Variants in MRPL37 observed in about 807,000 individuals in gnomAD.
The protein encoded by MRPL37 is large ribosomal subunit protein mL37.
Under a neutral mutation model 44.1 loss-of-function variants are expected in MRPL37, and 34 were observed. That is an observed-to-expected ratio of 0.77 (90% CI 0.59 to 1.03). MRPL37 has a LOEUF of 1.03. Among genes scored for constraint, MRPL37 ranks in the 50% least tolerant of loss-of-function variants. The pLI, the probability that MRPL37 is intolerant of heterozygous loss-of-function variation, is 0.00. For missense variants in MRPL37, 532 were observed against 543.7 expected, an observed-to-expected ratio of 0.98 and a Z score of 0.21; for synonymous variants, 212 against 219.5, an observed-to-expected ratio of 0.97 and a Z score of 0.30.
rs187124272 is a variant in MRPL37 at position 54,211,070 on chromosome 1, C to T, written c.832+939C>T. On this transcript the variant is annotated intron_variant, in intron 4 of 6. Transcript: ENST00000360840. The stretch of plus-strand genomic sequence containing the variant: ...TCTCACCTCCATGCCTTGTCACTTC[C>T]TCTCCTTCTGCTGAAGCTCTTGGCC... Among the ~76,000 whole-genome samples the T allele has an allele frequency of 1.1e-3, 173 of 152,254 alleles. 4 individuals are homozygous for T. The highest frequency in any genetic ancestry group is 4.1e-4 in the Non-Finnish European group (28 of 68,024).
chr1:54,225,404 C>T, downstream of MRPL37: 2 of 1,234,020 alleles, frequency 1.6e-6, no homozygotes, highest in Non-Finnish European at 2.0e-6. Context: ...AACTCCAACC[C>T]ACATTCCCCA....
intron 5 of MRPL37, among the ~76,000 whole-genome samples, chr1:54,213,288 C>T (rs1368220789): frequency 6.6e-6 from 1 of 152,170 alleles, no homozygotes; most frequent in African/African-American, 2.4e-5. Flanking sequence ...GAGGGGAGGG[C>T]TATATGGGAG....
chr1:54,218,449 A>T, downstream of MRPL37: 1 of 1,350,830 alleles, frequency 7.4e-7, no homozygotes, highest in Non-Finnish European at 9.8e-7. Context: ...CTGGAGCCTG[A>T]CCTGCCCCAG....
At chr1:54,203,042 G>A (rs1193938635) in intron 1 of MRPL37, among the ~76,000 whole-genome samples, 7 of 152,190 alleles carry the variant, frequency 4.6e-5, no homozygotes, top group Non-Finnish European at 4.4e-5. Flanking sequence ...AGTGAAGCTA[G>A]GGAGGTCTTT....
chr1:54,219,925 T>A (rs968086561), downstream of MRPL37, among the ~76,000 whole-genome samples: 7 of 152,266 alleles, frequency 4.6e-5, no homozygotes, highest in African/African-American at 1.2e-4. Flanking sequence ...TTAGTATCTG[T>A]TGATGGCAGT....
chr1:54,210,911 TG>T (rs2100509965), intron 4 of MRPL37, among the ~76,000 whole-genome samples: 1 of 152,306 alleles, frequency 6.6e-6, no homozygotes, highest in East Asian at 1.9e-4. Context: ...CGTGGCCTGT[TG>T]GTAAAGTTGG....
At chr1:54,207,027 C>T (rs927497140) in intron 3 of MRPL37, among the ~76,000 whole-genome samples, 3 of 152,212 alleles carry the variant, frequency 2.0e-5, no homozygotes, top group Non-Finnish European at 4.4e-5. Flanking sequence ...TGCGGGAATA[C>T]AGGCGTGAGC....
intron 5 of MRPL37, among the ~76,000 whole-genome samples, chr1:54,215,523 C>T (rs558669845): frequency 1.4e-4 from 22 of 152,098 alleles, no homozygotes; most frequent in Non-Finnish European, 2.4e-4. Context: ...AAACATGGCC[C>T]GTGCTGAGTT....
At chr1:54,221,684 CCACA>C (rs980393190), downstream of MRPL37, among the ~76,000 whole-genome samples, 19 of 150,884 alleles carry the variant, frequency 1.3e-4, no homozygotes, top group Middle Eastern at 3.4e-3. Flanking sequence ...CACCCACACA[CCACA>C]CACTCAGACA....
At chr1:54,216,501 C>T (rs1644198730) in intron 6 of MRPL37, among the ~76,000 whole-genome samples, 157 bp downstream of exon 6, 1 of 152,136 alleles carries the variant, frequency 6.6e-6, no homozygotes, top group Admixed American at 6.5e-5. Flanking sequence ...TTCAGTCCCG[C>T]CCCTACCTAA....
chr1:54,205,101 A>G lies in MRPL37; in HGVS notation c.430A>G (p.Arg144Gly). 6.2e-7 allele frequency: 1 copy of G among 1,614,188 alleles called. No individual in the cohort carries two copies. The highest frequency in any genetic ancestry group is 8.5e-7 in the Non-Finnish European group (1 of 1,180,032). The stretch of plus-strand genomic sequence containing the variant: ...AGTGCTTAGCCTTGTTGATGATCCA[A>G]GGAACCACATAGAGAACCAAGACGA... Reference protein sequence around the residue: ...EKVLSLVDDPRNHIENQDECV... With the variant: ...EKVLSLVDDPGNHIENQDECV... The change falls in exon 2 of 7, where the codon AGG becomes GGG. Residue 144 changes from arginine to glycine, a missense_variant. Coordinates refer to ENST00000360840, the MANE Select transcript of MRPL37 (RefSeq NM_016491.4).
chr1:54,209,881 G>A, intron 3 of MRPL37, 65 bp from the exon 4 acceptor site: 2 of 1,529,342 alleles, frequency 1.3e-6, no homozygotes, highest in Non-Finnish European at 1.8e-6. Context: ...ATAGGCATGA[G>A]CTACTGCGCC....
chr1:54,209,635 G>A (rs540230569), intron 3 of MRPL37, among the ~76,000 whole-genome samples: 1 of 151,454 alleles, frequency 6.6e-6, no homozygotes, highest in Non-Finnish European at 1.5e-5. Flanking sequence ...AATTTTTTGT[G>A]TTTTTAGTAG....
chr1:54,204,901 A>G, intron 1 of MRPL37, 117 bp from the exon 2 acceptor site: 1 of 1,208,498 alleles, frequency 8.3e-7, no homozygotes, highest in South Asian at 1.6e-5. Flanking sequence ...GTCACAGAAC[A>G]AATCCAGTTT....
intron 3 of MRPL37, among the ~76,000 whole-genome samples, chr1:54,208,474 G>A (rs976271350): frequency 8.9e-5 from 13 of 145,326 alleles, no homozygotes; most frequent in South Asian, 6.4e-4. Context: ...GCGTGAACCC[G>A]GAAGGCGGAG....
intron 5 of MRPL37, among the ~76,000 whole-genome samples, chr1:54,214,727 ACAAATT>A (rs1158303306): frequency 2.0e-5 from 3 of 152,198 alleles, no homozygotes; most frequent in Non-Finnish European, 2.9e-5. Flanking sequence ...CCCTCCAGGC[ACAAATT>A]ATTCCTGGGG....
chr1:54,208,676 C>T (rs757948846), intron 3 of MRPL37, among the ~76,000 whole-genome samples: 4 of 152,104 alleles, frequency 2.6e-5, no homozygotes, highest in Non-Finnish European at 4.4e-5. Context: ...AATTCTGCCA[C>T]GGAGTTGCCT....
rs755376367 is a variant in MRPL37 at position 54,210,022 on chromosome 1, CA to C, written c.724del (p.Arg242GlufsTer12). 1 of 1,614,206 alleles carries C rather than the reference CA, an allele frequency of 6.2e-7. No individual in the cohort carries two copies. The highest frequency in any genetic ancestry group is 8.5e-7 in the Non-Finnish European group (1 of 1,180,028). ...AGGATCCTCTGCCCACCATCGCCTC[CA>C]GAGAGGAGATTGAAGCTACTAAGAA... ...TKDPLPTIAS[R>X]EEIEATKNHV... On this transcript the variant is annotated frameshift_variant, in exon 4 of 7. Coordinates refer to ENST00000360840, the MANE Select transcript of MRPL37 (RefSeq NM_016491.4). LOFTEE classifies it high-confidence loss of function.
downstream of MRPL37, among the ~76,000 whole-genome samples, chr1:54,223,563 T>C (rs959550074): frequency 6.6e-6 from 1 of 152,202 alleles, no homozygotes; most frequent in Admixed American, 6.5e-5. Context: ...CTTAAGTTTC[T>C]TTCCTGGCTC....
Sources: gnomAD v4.1 joint callset for allele counts (sites outside exome capture counted in the v4.1 genomes callset) on GRCh38, gnomAD v4.1.1 for gene constraint, MANE v1.5 for transcripts, NCBI Gene and HGNC (gene_info 2026-07-23, HGNC 2026-07-21) for gene names.